Variants in IL22RA2 observed in about 807,000 individuals in gnomAD.
IL22RA2 encodes the protein interleukin 22 receptor subunit alpha 2.
Under a neutral mutation model 30.7 loss-of-function variants are expected in IL22RA2, and 39 were observed. The ratio of observed to expected loss-of-function variants is 1.27; its 90% CI spans 0.98 to 1.66. IL22RA2 has a LOEUF of 1.66. Ranked by LOEUF, IL22RA2 falls within the 40% of genes most tolerant of loss-of-function variation. IL22RA2 has a pLI of 0.00. For synonymous variants in IL22RA2, 103 were observed against 105.0 expected (o/e 0.98, Z 0.11); for missense variants, 315 against 312.7 (o/e 1.01, Z -0.05).
chr6:137,158,162 T>C (rs1394515860), intron 3 of IL22RA2, among the ~76,000 whole-genome samples, 185 bp downstream of exon 3: 1 of 152,152 alleles, frequency 6.6e-6, no homozygotes, highest in African/African-American at 2.4e-5. Flanking sequence ...GTGCACTGCA[T>C]ACCATCATGC....
At chr6:137,163,395 A>G (rs1253994943) in intron 1 of IL22RA2, among the ~76,000 whole-genome samples, 1 of 152,074 alleles carries the variant, frequency 6.6e-6, no homozygotes, top group African/African-American at 2.4e-5. Context: ...GGGATTGGAG[A>G]TGGCAGATTT....
In IL22RA2 at chr6:137,148,275, CATT is replaced by C. The variant is rs143208020; in HGVS notation, c.473-387_473-385del. ...TGGGTTTTTTTTTGAGACAGGATCTCATTATGTTGCCCAGGCTGGGCTCAAACT... is the reference window on the plus strand; with the variant it reads ...TGGGTTTTTTTTTGAGACAGGATCTCATGTTGCCCAGGCTGGGCTCAAACT... On this transcript the variant is annotated intron_variant, in intron 5 of 6. Coordinates refer to ENST00000296980, the MANE Select transcript of IL22RA2 (RefSeq NM_052962.3). 4.5e-3 allele frequency among the ~76,000 whole-genome samples: 687 copies of C among 152,026 alleles called. 5 individuals carry two copies. Among genetic ancestry groups the C allele is most frequent in the African/African-American group, 0.016 (660 of 41,468 alleles).
intron 1 of IL22RA2, among the ~76,000 whole-genome samples, chr6:137,172,349 G>A (rs536528534): frequency 6.6e-6 from 1 of 152,308 alleles, no homozygotes; most frequent in African/African-American, 2.4e-5. Context: ...CAAAACGTGA[G>A]CTTTGGTGCT....
At chr6:137,158,121 G>T (rs1448623639) in intron 3 of IL22RA2, among the ~76,000 whole-genome samples, 1 of 152,086 alleles carries the variant, frequency 6.6e-6, no homozygotes, top group African/African-American at 2.4e-5. Flanking sequence ...GTGAGGTCTT[G>T]GTGCAGGTCT....
At chr6:137,173,232 C>T (rs537139051) in intron 1 of IL22RA2, among the ~76,000 whole-genome samples, 181 bp downstream of exon 1, 18 of 152,198 alleles carry the variant, frequency 1.2e-4, no homozygotes, top group East Asian at 1.9e-4. Context: ...ATTAGCCAGG[C>T]GTGACGGTGT....
Position 137,172,290 on chromosome 6 carries a change from A to G in IL22RA2, c.-66+1123T>C, listed in dbSNP as rs374536080. 1.2e-3 allele frequency among the ~76,000 whole-genome samples: 183 copies of G among 152,328 alleles called. 6 individuals are homozygous for G. The South Asian group carries it at 0.02, about 17-fold the overall frequency. On this transcript the variant is annotated intron_variant, in intron 1 of 6. Coordinates refer to ENST00000296980, the MANE Select transcript of IL22RA2 (RefSeq NM_052962.3). ...GACTTTGTCAAACAAATGAGGGGAA[A>G]TTAGGCGGAGTGGGATAAGCAAAAC...
At chr6:137,158,833 C>T (rs1778463164) in intron 2 of IL22RA2, among the ~76,000 whole-genome samples, 1 of 152,138 alleles carries the variant, frequency 6.6e-6, no homozygotes, top group East Asian at 1.9e-4. Context: ...CACACTAAGA[C>T]CACCAACCAT....
chr6:137,171,901 C>T (rs1439689608), intron 1 of IL22RA2, among the ~76,000 whole-genome samples: 3 of 152,238 alleles, frequency 2.0e-5, no homozygotes, highest in Admixed American at 2.0e-4. Flanking sequence ...TGAATCCAGG[C>T]TTGTATCTCC....
At chr6:137,148,661 G>T (rs997232240) in intron 5 of IL22RA2, among the ~76,000 whole-genome samples, 7 of 152,190 alleles carry the variant, frequency 4.6e-5, no homozygotes, top group African/African-American at 1.7e-4. Flanking sequence ...TTTGGAGAAT[G>T]TGTTTTATCC....
At chr6:137,169,170 G>A (rs1362583745) in intron 1 of IL22RA2, among the ~76,000 whole-genome samples, 3 of 152,160 alleles carry the variant, frequency 2.0e-5, no homozygotes, top group Non-Finnish European at 2.9e-5. Context: ...TGCCTGTTGG[G>A]GCAAGTCCTT....
At chr6:137,152,476 A>G (rs895253534) in intron 5 of IL22RA2, among the ~76,000 whole-genome samples, 2 of 152,218 alleles carry the variant, frequency 1.3e-5, no homozygotes, top group Non-Finnish European at 2.9e-5. Flanking sequence ...AAAATCATGT[A>G]TTATATTAGT....
At position 137,159,470 on chromosome 6, in the gene IL22RA2, G is replaced by A. The variant is rs189633028; in HGVS notation, c.62-988C>T. The stretch of plus-strand genomic sequence containing the variant: ...TGAGTAGCTGGGATTACAGGTGCCC[G>A]CCACCATGCCTGGCTAATTTTTTTG... On this transcript the variant is annotated intron_variant, in intron 2 of 6. Coordinates refer to ENST00000296980, the MANE Select transcript of IL22RA2 (RefSeq NM_052962.3). Among the ~76,000 whole-genome samples, 1,163 of 152,106 alleles carry A rather than the reference G, an allele frequency of 7.6e-3. 23 individuals are homozygous for A. Among genetic ancestry groups the A allele is most frequent in the African/African-American group, 0.025 (1,041 of 41,472 alleles).
intron 4 of IL22RA2, among the ~76,000 whole-genome samples, chr6:137,156,458 ATTAT>A (rs561565469): frequency 1.6e-3 from 238 of 152,366 alleles, no homozygotes; most frequent in Middle Eastern, 3.4e-3. Flanking sequence ...TTTTAAAATT[ATTAT>A]TTATTTATAA....
intron 5 of IL22RA2, among the ~76,000 whole-genome samples, chr6:137,154,701 C>G (rs1477500989): frequency 3.9e-5 from 6 of 152,156 alleles, no homozygotes; most frequent in Non-Finnish European, 4.4e-5. Flanking sequence ...AATTTGAACC[C>G]TGACTTGGAT....
At position 137,143,899 on chromosome 6, in the gene IL22RA2, A is replaced by G. The variant is rs1240903920; in HGVS notation, c.*1725T>C. The G allele has an allele frequency of 6.6e-6, 1 of 152,272 alleles. No individual in the cohort carries two copies. The highest frequency in any genetic ancestry group is 1.5e-5 in the Non-Finnish European group (1 of 68,052). The allele number at this position is 152,272 out of a possible 1,614,324, so 9.4% of individuals were successfully genotyped here. The stretch of plus-strand genomic sequence containing the variant: ...GAAGAAGATGACAATTATGATTTCC[A>G]TAGAGTATTTTGCACTTGCCTAAGC... On this transcript the variant is annotated 3_prime_UTR_variant, in exon 7 of 7. Transcript: ENST00000296980.
intron 2 of IL22RA2, among the ~76,000 whole-genome samples, chr6:137,159,744 G>A (rs941093692): frequency 2.0e-5 from 3 of 152,158 alleles, no homozygotes; most frequent in African/African-American, 4.8e-5. Flanking sequence ...TAGGGCCTCT[G>A]CACTGGCCCT....
chr6:137,156,808 A>G lies in IL22RA2; in HGVS notation c.244T>C (p.Cys82Arg). 6.2e-7 allele frequency: 1 copy of G among 1,613,948 alleles called. No homozygotes were observed. Reference sequence around the variant, plus strand: ...AAGTTACAAGAAATGTGCTGCCAGCATCCACTTGGCTTCTGGTGAGAGCTT... The same window carrying G: ...AAGTTACAAGAAATGTGCTGCCAGCGTCCACTTGGCTTCTGGTGAGAGCTT... ...MKSSHQKPSGCWQHISCNFPG... is the reference protein window; with the variant it reads ...MKSSHQKPSGRWQHISCNFPG... Residue 82 changes from cysteine to arginine, a missense_variant, in exon 4 of 7, where the codon TGC (cysteine) becomes CGC (arginine). Transcript: ENST00000296980.
chr6:137,156,744 G>A lies in IL22RA2; in HGVS notation c.293+15C>T, dbSNP rs375529579. ...ACACCTGAGGCTAGGTAATTGATAA[G>A]GAAAAGAGGTGTACTTAGCCAATGT... On this transcript the variant is annotated intron_variant, in intron 4 of 6. Transcript: ENST00000296980. 6 of 1,609,598 alleles carry A rather than the reference G, an allele frequency of 3.7e-6. No individual in the cohort carries two copies. The highest frequency in any genetic ancestry group is 1.3e-5 in the African/African-American group (1 of 74,994).
chr6:137,163,330 C>G (rs192578985), intron 1 of IL22RA2, among the ~76,000 whole-genome samples: 1 of 152,116 alleles, frequency 6.6e-6, no homozygotes, highest in South Asian at 2.1e-4. Flanking sequence ...TCTCCTGAAC[C>G]TTTTTCGGTC....
Sources: gnomAD v4.1 joint callset for allele counts (sites outside exome capture counted in the v4.1 genomes callset) on GRCh38, gnomAD v4.1.1 for gene constraint, MANE v1.5 for transcripts, NCBI Gene and HGNC (gene_info 2026-07-23, HGNC 2026-07-21) for gene names.